USP13: variants seen among roughly 807,000 people sequenced by gnomAD.
USP13 encodes ubiquitin carboxyl-terminal hydrolase 13.
A neutral mutation model predicts 107.8 loss-of-function variants in USP13; 68 were observed. The observed-to-expected ratio is 0.63, with a 90% confidence interval of 0.52 to 0.77. The LOEUF is 0.77. Ranked by LOEUF, USP13 falls within the 30% of genes least tolerant of loss-of-function variation. The probability of loss-of-function intolerance (pLI) is 0.00; values close to 1 mark genes in which losing one functional copy is unlikely to be tolerated. For synonymous variants in USP13, 377 were observed against 389.5 expected (o/e 0.97, Z 0.38); for missense variants, 945 against 1,093.3 (o/e 0.86, Z 1.91).
chr3:179,706,820 G>A (rs1297271163), intron 4 of USP13, 114 bp from the exon 5 acceptor site: 10 of 1,244,936 alleles, frequency 8.0e-6, no homozygotes, highest in Middle Eastern at 2.2e-4. Context: ...CGACAACTAC[G>A]CTGTTTGCGT....
Position 179,754,869 on chromosome 3 carries a change from C to T in USP13, c.1921+15C>T. ...TGACTCAAAAGGTACCATCTCCTGC[C>T]AGGAGAATATGCGCTACCCTCCCAC... On this transcript the variant is annotated intron_variant, in intron 15 of 20. Transcript: ENST00000263966. 2 of 1,604,882 alleles carry T rather than the reference C, an allele frequency of 1.2e-6. No individual in the cohort carries two copies. The highest frequency in any genetic ancestry group is 8.5e-7 in the Non-Finnish European group (1 of 1,176,036).
chr3:179,714,462 A>C (rs1713036300), intron 6 of USP13, among the ~76,000 whole-genome samples: 1 of 152,090 alleles, frequency 6.6e-6, no homozygotes, highest in Admixed American at 6.6e-5. Flanking sequence ...GGTACTTTCC[A>C]CAAGACCCTG....
At chr3:179,664,269 T>C (rs1194844738) in intron 1 of USP13, among the ~76,000 whole-genome samples, 1 of 152,020 alleles carries the variant, frequency 6.6e-6, no homozygotes, top group African/African-American at 2.4e-5. Context: ...TTTTTTTGTA[T>C]TTTTACTAGG....
intron 2 of USP13, among the ~76,000 whole-genome samples, chr3:179,688,091 ATCCATCCG>A (rs1200101860): frequency 4.1e-5 from 6 of 147,982 alleles, no homozygotes; most frequent in Non-Finnish European, 5.9e-5. Flanking sequence ...CCATCCATCC[ATCCATCCG>A]TCCATCCATC....
At position 179,764,161 on chromosome 3, in the gene USP13, G is replaced by A. The variant is rs184549998; in HGVS notation, c.2252G>A (p.Arg751Gln). 61 of 1,606,094 alleles carry A rather than the reference G, an allele frequency of 3.8e-5. No homozygotes were observed. The Admixed American group carries it at 9.4e-4, about 25-fold the overall frequency. ...CGAAATCAGGCTATTCAGGCACTAC[G>A]AGCAACGGTGAGCATGAGAGACTGT... ...FQRNQAIQAL[R>Q]ATNNNLERAL... Residue 751 changes from arginine (R) to glutamine (Q), a missense_variant, in exon 18 of 21, where the codon CGA becomes CAA. By Grantham distance (43) the Arg-to-Gln change is conservative. Coordinates refer to ENST00000263966, the MANE Select transcript of USP13 (RefSeq NM_003940.3).
intron 15 of USP13, 140 bp downstream of exon 15, chr3:179,754,994 C>G (rs1348852575): frequency 8.8e-6 from 10 of 1,140,696 alleles, no homozygotes; most frequent in South Asian, 1.8e-5. Context: ...TAACCCACCA[C>G]CGACACAGGA....
At position 179,785,913 on chromosome 3, in the gene USP13, G is replaced by A. The variant is rs540421936; in HGVS notation, c.*1772G>A. The stretch of plus-strand genomic sequence containing the variant: ...GCCCTCTCTTTCAATCATGCTTTGA[G>A]GATACAGTGAGATTGGTTACAGTGA... On this transcript the variant is annotated 3_prime_UTR_variant, in exon 21 of 21. Coordinates refer to ENST00000263966, the MANE Select transcript of USP13 (RefSeq NM_003940.3). The A allele has an allele frequency of 6.6e-6, 1 of 152,410 alleles. No individual in the cohort carries two copies. The highest frequency in any genetic ancestry group is 2.1e-4 in the South Asian group (1 of 4,828). 9.4% of individuals were successfully genotyped at this position (152,410 alleles called of 1,614,324 possible).
chr3:179,757,007 C>G, intron 15 of USP13, 45 bp from the exon 16 acceptor site: 1 of 1,609,508 alleles, frequency 6.2e-7, no homozygotes, highest in Non-Finnish European at 8.5e-7. Context: ...TAAAACTCCT[C>G]AACATGGTTT....
At chr3:179,771,568 A>T (rs2108545477) in intron 19 of USP13, among the ~76,000 whole-genome samples, 1 of 152,300 alleles carries the variant, frequency 6.6e-6, no homozygotes, top group South Asian at 2.1e-4. Context: ...CTGTGTTTTA[A>T]CAGGACATCC....
In USP13 at chr3:179,781,653, T is replaced by C; in HGVS notation, c.2414-86T>C. On this transcript the variant is annotated intron_variant, in intron 19 of 20. Coordinates refer to ENST00000263966, the MANE Select transcript of USP13 (RefSeq NM_003940.3). ...TCAAATCTAAACAGTTGCTGGATTA[T>C]ACTATGGTTGGTTTTAAATTCTAAC... 3.5e-6 allele frequency: 4 copies of C among 1,153,052 alleles called. No individual in the cohort carries two copies. The South Asian group carries it at 4.0e-5, about 12-fold the overall frequency. 71.4% of individuals were successfully genotyped at this position (1,153,052 alleles called of 1,614,324 possible). A position where few individuals can be genotyped will look rare whatever the true frequency, so the allele number is the denominator to read the frequency against.
intron 13 of USP13, among the ~76,000 whole-genome samples, chr3:179,747,976 C>T (rs1714470181): frequency 6.6e-6 from 1 of 152,096 alleles, no homozygotes; most frequent in African/African-American, 2.4e-5. Context: ...TGGGTGTATC[C>T]AGTTGTTAGT....
At chr3:179,762,432 TTGTC>T (rs1046435795) in intron 17 of USP13, among the ~76,000 whole-genome samples, 1 of 152,028 alleles carries the variant, frequency 6.6e-6, no homozygotes. Flanking sequence ...AATGCAAAAA[TTGTC>T]TGGGCATGGT....
intron 19 of USP13, among the ~76,000 whole-genome samples, chr3:179,769,668 C>T (rs1034404239): frequency 6.6e-5 from 10 of 152,138 alleles, no homozygotes; most frequent in East Asian, 3.9e-4. Context: ...CTCTGCCTCT[C>T]GAAGTGTTAG....
chr3:179,775,552 G>A (rs1003445252), intron 19 of USP13, among the ~76,000 whole-genome samples: 5 of 152,238 alleles, frequency 3.3e-5, no homozygotes, highest in African/African-American at 1.2e-4. Flanking sequence ...GATGGGACTG[G>A]GCACTGCGGA....
In USP13 at chr3:179,708,795, G is replaced by T. The variant is rs755492512; in HGVS notation, c.643G>T (p.Asp215Tyr). The T allele has an allele frequency of 6.2e-7, 1 of 1,614,128 alleles. No homozygotes were observed. The highest frequency in any genetic ancestry group is 1.1e-5 in the South Asian group (1 of 91,050). Residue 215 changes from aspartate to tyrosine, a missense_variant, in exon 6 of 21, where the codon GAC becomes TAC. By Grantham distance (160) the Asp-to-Tyr change is radical. Coordinates refer to ENST00000263966, the MANE Select transcript of USP13 (RefSeq NM_003940.3). ...PPSGWKCARC[D>Y]LRENLWLNLT... is the part of the protein sequence containing the mutation. ...CAGTGGTTGGAAGTGTGCCAGATGC[G>T]ACCTGCGAGAAAACCTCTGGTTGAA... is the stretch of plus-strand genomic sequence containing the variant.
intron 3 of USP13, among the ~76,000 whole-genome samples, chr3:179,693,668 GTTTA>G (rs539404108): frequency 1.3e-5 from 2 of 151,864 alleles, no homozygotes; most frequent in East Asian, 1.9e-4. Flanking sequence ...TAGTAACTTT[GTTTA>G]TTTATTTATT....
intron 2 of USP13, among the ~76,000 whole-genome samples, chr3:179,685,200 A>G (rs1266244757): frequency 6.6e-6 from 1 of 150,392 alleles, no homozygotes; most frequent in Non-Finnish European, 1.5e-5. Context: ...TTTTTTTTTA[A>G]CCATTACTGC....
chr3:179,785,030 A>T lies in USP13; in HGVS notation c.*889A>T, dbSNP rs1424307196. 6.6e-6 allele frequency: 1 copy of T among 152,218 alleles called. No individual in the cohort carries two copies. Among genetic ancestry groups the T allele is most frequent in the Non-Finnish European group, 1.5e-5 (1 of 68,036 alleles). The allele number at this position is 152,218 out of a possible 1,614,324, so 9.4% of individuals were successfully genotyped here. A position where few individuals can be genotyped will look rare whatever the true frequency, so the allele number is the denominator to read the frequency against. On this transcript the variant is annotated 3_prime_UTR_variant, in exon 21 of 21. Transcript: ENST00000263966. Reference sequence around the variant, plus strand: ...TGCTAGATGCCCACAGCAGCATAATATTGTACTTTGTCAAAGGTAGGTAAA... The same window carrying T: ...TGCTAGATGCCCACAGCAGCATAATTTTGTACTTTGTCAAAGGTAGGTAAA...
intron 4 of USP13, 111 bp from the exon 5 acceptor site, chr3:179,706,823 G>C: frequency 7.8e-7 from 1 of 1,289,582 alleles, no homozygotes; most frequent in East Asian, 2.6e-5. Flanking sequence ...CAACTACGCT[G>C]TTTGCGTTTC....
Sources: allele counts gnomAD v4.1 joint callset (sites outside exome capture counted in the v4.1 genomes callset), GRCh38; gene constraint gnomAD v4.1.1; transcripts MANE v1.5; gene names NCBI Gene and HGNC (gene_info 2026-07-23, HGNC 2026-07-21).